Variants in DNM3 observed in about 807,000 individuals in gnomAD.
DNM3 encodes dynamin-3.
Under a neutral mutation model 101.6 loss-of-function variants are expected in DNM3, and 47 were observed. The ratio of observed to expected loss-of-function variants is 0.46; its 90% CI spans 0.37 to 0.59. DNM3 has a LOEUF of 0.59. Among genes scored for constraint, DNM3 ranks in the 20% least tolerant of loss-of-function variants. The pLI is 0.00. For missense variants in DNM3, 849 were observed against 1,085.7 expected (o/e 0.78, Z 3.06); for synonymous variants, 385 against 387.9 (o/e 0.99, Z 0.09).
At chr1:172,402,051 G>A (rs537478107) in intron 20 of DNM3, among the ~76,000 whole-genome samples, 1 of 152,142 alleles carries the variant, frequency 6.6e-6, no homozygotes, top group African/African-American at 2.4e-5. Flanking sequence ...TTGATCTACC[G>A]CTTGGGACAC....
chr1:172,146,573 C>T (rs1223263685), intron 14 of DNM3, among the ~76,000 whole-genome samples: 1 of 152,028 alleles, frequency 6.6e-6, no homozygotes, highest in Non-Finnish European at 1.5e-5. Flanking sequence ...CCTGTCACTG[C>T]TTGCATATTA....
At chr1:172,404,974 C>CTGAT (rs754495452) in intron 20 of DNM3, among the ~76,000 whole-genome samples, 1 of 152,038 alleles carries the variant, frequency 6.6e-6, no homozygotes, top group Non-Finnish European at 1.5e-5. Flanking sequence ...ATCATCTAGT[C>CTGAT]TGATTGTACA....
At chr1:172,324,236 C>T (rs746791723) in intron 17 of DNM3, among the ~76,000 whole-genome samples, 3 of 152,094 alleles carry the variant, frequency 2.0e-5, no homozygotes, top group Non-Finnish European at 4.4e-5. Context: ...TTAAAACGGG[C>T]CTCATTGAAT....
chr1:172,041,723 C>G (rs2049405061), intron 7 of DNM3, among the ~76,000 whole-genome samples: 1 of 152,126 alleles, frequency 6.6e-6, no homozygotes, highest in Non-Finnish European at 1.5e-5. Context: ...CTCTCTATTT[C>G]AAGTGTTCTT....
intron 13 of DNM3, among the ~76,000 whole-genome samples, chr1:172,117,195 A>C (rs1455448418): frequency 1.3e-5 from 2 of 151,510 alleles, no homozygotes; most frequent in African/African-American, 4.9e-5. Context: ...ACAAGAGCAA[A>C]ACTCCATCTC....
At position 172,178,713 on chromosome 1, in the gene DNM3, C is replaced by G. The variant is rs2059242307; in HGVS notation, c.1659+47425C>G. Among the ~76,000 whole-genome samples, 6 of 151,852 alleles carry G rather than the reference C, an allele frequency of 4.0e-5. No individual in the cohort carries two copies. The South Asian group carries it at 1.2e-3, about 31-fold the overall frequency. ...GACCCTGGTTTACTTCAACTTCAAG[C>G]TGATGTTACAGAGATATCAATGAAA... On this transcript the variant is annotated intron_variant, in intron 14 of 20. Transcript: ENST00000627582.
chr1:172,015,328 A>G (rs546712822), intron 4 of DNM3, among the ~76,000 whole-genome samples: 1 of 152,230 alleles, frequency 6.6e-6, no homozygotes, highest in African/African-American at 2.4e-5. Flanking sequence ...TTTGATTGAG[A>G]TTTCATTGAA....
chr1:172,410,740 A>G lies in DNM3; in HGVS notation c.*2899A>G. 2 of 985,312 alleles carry G rather than the reference A, an allele frequency of 2.0e-6. No homozygotes were observed. The highest frequency in any genetic ancestry group is 2.4e-6 in the Non-Finnish European group (2 of 829,830). The allele number at this position is 985,312 out of a possible 1,614,324, so 61.0% of individuals were successfully genotyped here. On this transcript the variant is annotated 3_prime_UTR_variant, in exon 21 of 21. Transcript: ENST00000627582. ...ATTTGTTCCAATACAAACTCACTTT[A>G]TTCTAAAGTATATTAATGAAACCAG...
intron 14 of DNM3, among the ~76,000 whole-genome samples, chr1:172,141,309 T>C (rs1400940497): frequency 6.6e-6 from 1 of 152,118 alleles, no homozygotes; most frequent in Non-Finnish European, 1.5e-5. Context: ...GTAAGAAAGT[T>C]TCTATCTTAA....
chr1:172,162,207 C>G (rs992534675), intron 14 of DNM3, among the ~76,000 whole-genome samples: 3 of 151,940 alleles, frequency 2.0e-5, no homozygotes, highest in Admixed American at 1.3e-4. Flanking sequence ...CTAACCTCTG[C>G]TTTTGATTAT....
At chr1:171,962,302 AT>A (rs933845153) in intron 2 of DNM3, among the ~76,000 whole-genome samples, 1 of 152,204 alleles carries the variant, frequency 6.6e-6, no homozygotes, top group Admixed American at 6.5e-5. Context: ...GACAGATACT[AT>A]ATGATTCCAC....
intron 16 of DNM3, 115 bp from the exon 17 acceptor site, chr1:172,323,214 C>T: frequency 9.0e-7 from 1 of 1,115,278 alleles, no homozygotes; most frequent in Middle Eastern, 2.3e-4. Flanking sequence ...GCAAGAAAAA[C>T]CTCATTTTAT....
intron 1 of DNM3, among the ~76,000 whole-genome samples, chr1:171,851,393 T>C (rs1028693840): frequency 6.6e-6 from 1 of 152,284 alleles, no homozygotes; most frequent in African/African-American, 2.4e-5. Context: ...TGAGAATAGT[T>C]GAGTGGGCTT....
intron 9 of DNM3, among the ~76,000 whole-genome samples, chr1:172,047,107 T>C (rs948976492): frequency 3.3e-5 from 5 of 152,114 alleles, no homozygotes; most frequent in South Asian, 2.1e-4. Flanking sequence ...ATATATTTGG[T>C]TTGACAATTT....
chr1:171,887,650 G>A (rs1571426102), intron 1 of DNM3, among the ~76,000 whole-genome samples: 1 of 151,882 alleles, frequency 6.6e-6, no homozygotes, highest in South Asian at 2.1e-4. Flanking sequence ...TTTGTTGACT[G>A]GATAAAATTC....
chr1:172,262,563 T>C (rs2148717124), intron 15 of DNM3, among the ~76,000 whole-genome samples: 1 of 152,308 alleles, frequency 6.6e-6, no homozygotes, highest in African/African-American at 2.4e-5. Context: ...CTCCAGACCC[T>C]CAGCTGATCC....
At chr1:172,161,752 G>A (rs2058554001) in intron 14 of DNM3, among the ~76,000 whole-genome samples, 1 of 151,984 alleles carries the variant, frequency 6.6e-6, no homozygotes, top group Non-Finnish European at 1.5e-5. Flanking sequence ...GGGTAAGAAG[G>A]ATGTTCAGCC....
chr1:172,082,246 T>G (rs1359955692), intron 12 of DNM3, among the ~76,000 whole-genome samples: 1 of 152,082 alleles, frequency 6.6e-6, no homozygotes, highest in East Asian at 1.9e-4. Context: ...GAACAGTTTT[T>G]CACATCAATT....
At chr1:172,119,063 G>A (rs1351125259) in intron 13 of DNM3, among the ~76,000 whole-genome samples, 1 of 151,588 alleles carries the variant, frequency 6.6e-6, no homozygotes, top group Admixed American at 6.6e-5. Flanking sequence ...AGCAATCTTG[G>A]CTCACCACAA....
Sources: allele counts gnomAD v4.1 joint callset (sites outside exome capture counted in the v4.1 genomes callset), GRCh38; gene constraint gnomAD v4.1.1; transcripts MANE v1.5; gene names NCBI Gene and HGNC (gene_info 2026-07-23, HGNC 2026-07-21).